Variants in SEMA4G observed in about 807,000 individuals in gnomAD.
SEMA4G encodes semaphorin 4G.
Under a neutral mutation model 81.2 loss-of-function variants are expected in SEMA4G, and 59 were observed. That is an observed-to-expected ratio of 0.73 (90% CI 0.59 to 0.90). SEMA4G has a LOEUF of 0.90. SEMA4G is among the 40% of genes least tolerant of loss of function. The pLI, the probability that SEMA4G is intolerant of heterozygous loss-of-function variation, is 0.00. For synonymous variants in SEMA4G, 404 were observed against 433.9 expected, an observed-to-expected ratio of 0.93 and a Z score of 0.86; for missense variants, 952 against 1,102.3, an observed-to-expected ratio of 0.86 and a Z score of 1.93.
intron 13 of SEMA4G, chr10:100,981,497 C>G: frequency 1.9e-6 from 3 of 1,614,140 alleles, no homozygotes; most frequent in Non-Finnish European, 2.5e-6. Flanking sequence ...GGGTTCAGGA[C>G]GGTAATGGGT....
exon 8 of SEMA4G, chr10:100,979,237 C>G: frequency 6.2e-7 from 1 of 1,614,244 alleles, no homozygotes. Context: ...AAGCCGTACA[C>G]ACTTCTATGC....
chr10:100,978,889 G>A, exon 7 of SEMA4G: 1 of 1,614,230 alleles, frequency 6.2e-7, no homozygotes, highest in Non-Finnish European at 8.5e-7. Context: ...GGGAGAGCAA[G>A]GCCAGTGCAG....
At chr10:100,983,010 G>A (rs893824947) in intron 13 of SEMA4G, among the ~76,000 whole-genome samples, 2 of 152,240 alleles carry the variant, frequency 1.3e-5, no homozygotes, top group Non-Finnish European at 2.9e-5. Context: ...CTGGCACTCA[G>A]GAGAGAAGTC....
At chr10:100,980,622 C>T (rs1851022799) in exon 11 of SEMA4G, 1 of 1,614,192 alleles carries the variant, frequency 6.2e-7, no homozygotes, top group East Asian at 2.2e-5. Flanking sequence ...CTCTGGGATG[C>T]ACATTATTGA....
At chr10:100,984,328 G>A (rs1851311226) in exon 14 of SEMA4G, 2 of 1,439,662 alleles carry the variant, frequency 1.4e-6, no homozygotes, top group Admixed American at 5.7e-5. Flanking sequence ...CCACATGTGA[G>A]CAGCCCAGGC....
Position 100,984,757 on chromosome 10 carries a change from G to A in SEMA4G, c.*626G>A, listed in dbSNP as rs1483432059. The A allele has an allele frequency of 3.9e-6, 6 of 1,535,986 alleles. No homozygotes were observed. In the Admixed American group the frequency reaches 5.9e-5, roughly 15 times the overall value. On this transcript the variant is annotated 3_prime_UTR_variant, in exon 14 of 14. Coordinates refer to ENST00000370250, the Ensembl canonical transcript of SEMA4G. The stretch of plus-strand genomic sequence containing the variant: ...ATCTGGTCCTCTTCCCCAGCCCCAT[G>A]TGGTGACCTCTTTGTCAAGAGCTTG...
At chr10:100,979,907 T>C (rs1240413142) in exon 9 of SEMA4G, 3 of 1,614,080 alleles carry the variant, frequency 1.9e-6, no homozygotes, top group African/African-American at 1.3e-5. Flanking sequence ...CAGGCTGTCT[T>C]TGCAGGACCC....
rs1230221202 is a variant in SEMA4G at position 100,980,743 on chromosome 10, G to A, written c.1467+50G>A. The A allele has an allele frequency of 3.7e-6, 6 of 1,606,310 alleles. No homozygotes were observed. The South Asian group carries it at 4.4e-5, about 12-fold the overall frequency. On this transcript the variant is annotated intron_variant, in intron 11 of 13. Transcript: ENST00000370250. ...TATAGCCTTGCTGAAATAGGAAGAG[G>A]GAGTGGGGAGGTTGGGCAGAGGCTG...
Position 100,973,362 on chromosome 10 carries a change from G to C in SEMA4G, c.273+85G>C. 1 of 1,527,906 alleles carries C rather than the reference G, an allele frequency of 6.5e-7. No homozygotes were observed. Among genetic ancestry groups the C allele is most frequent in the Non-Finnish European group, 8.9e-7 (1 of 1,123,232 alleles). The allele number at this position is 1,527,906 out of a possible 1,614,324, so 94.6% of individuals were successfully genotyped here. A position where few individuals can be genotyped will look rare whatever the true frequency, so the allele number is the denominator to read the frequency against. ...CCTCAACTTCCTTAAAACCCTGCCA[G>C]CCTTCCATAGCCCCCTGGTCAGACA... On this transcript the variant is annotated intron_variant, in intron 2 of 13. Transcript: ENST00000370250. This position sits in a 1 kb window ranked among gnomAD's most constrained non-coding sequence, Gnocchi z 5.5.
At chr10:100,983,638 T>C (rs759100020) in exon 14 of SEMA4G, 2 of 1,613,806 alleles carry the variant, frequency 1.2e-6, no homozygotes, top group Admixed American at 3.3e-5. Flanking sequence ...GATGTGAGAC[T>C]GCTCTATGTG....
chr10:100,975,929 A>G (rs561471705), intron 3 of SEMA4G, among the ~76,000 whole-genome samples: 41 of 152,204 alleles, frequency 2.7e-4, no homozygotes, highest in Non-Finnish European at 4.6e-4. Flanking sequence ...ATAAATAAAC[A>G]TCTTGGGGAA....
chr10:100,978,085 C>T, intron 4 of SEMA4G: 1 of 584,756 alleles, frequency 1.7e-6, no homozygotes, highest in Admixed American at 3.0e-5. Flanking sequence ...TCTAGGTTGG[C>T]CACTTGCAGA....
chr10:100,972,848 C>T (rs1016975985), exon 1 of SEMA4G: 59 of 1,542,004 alleles, frequency 3.8e-5, no homozygotes, highest in Admixed American at 3.3e-4. Flanking sequence ...TCCCATTCCC[C>T]GCCCCCACAA....
chr10:100,980,493 C>G, intron 10 of SEMA4G, 85 bp from the exon 12 acceptor site: 5 of 1,389,684 alleles, frequency 3.6e-6, no homozygotes, highest in Non-Finnish European at 5.1e-6. Flanking sequence ...CTCAGGACTC[C>G]TGAGCTGTTC....
chr10:100,983,447 T>C (rs1851227514), exon 14 of SEMA4G: 1 of 1,613,988 alleles, frequency 6.2e-7, no homozygotes, highest in Non-Finnish European at 8.5e-7. Flanking sequence ...GTGGCTACCG[T>C]GTGGGCGTGG....
chr10:100,984,037 C>A, exon 14 of SEMA4G: 1 of 1,613,686 alleles, frequency 6.2e-7, no homozygotes, highest in Non-Finnish European at 8.5e-7. Context: ...GGAGTACCAG[C>A]AGGGCCCTGC....
At position 100,983,341 on chromosome 10, in the gene SEMA4G, G is replaced by A. The variant is rs753257306; in HGVS notation, c.1727G>A (p.Arg576Gln). 2.8e-5 allele frequency: 45 copies of A among 1,589,952 alleles called. No homozygotes were observed. The African/African-American group carries it at 3.1e-4, about 11-fold the overall frequency. ...CCACTGAAGACCCGCTCTGTGCTCC[G>A]GGGTGATGATGTCCTCCTGCCCTGT... Residue 576 changes from arginine to glutamine, a missense_variant, in exon 14 of 14, where the codon CGG (arginine) becomes CAG (glutamine). Arg to Gln is a conservative substitution (Grantham distance 43). Around this residue, in one of 3 missense-constraint regions of SEMA4G, gnomAD observed 385 missense variants for 413.5 expected, o/e 0.93. Transcript: ENST00000370250.
chr10:100,978,590 G>A (rs780089392), exon 6 of SEMA4G: 19 of 1,613,946 alleles, frequency 1.2e-5, no homozygotes, highest in African/African-American at 2.7e-5. Context: ...CGCCGGAGCC[G>A]CCACCCACAC....
At position 100,977,748 on chromosome 10, in the gene SEMA4G, G is replaced by T. The variant is rs546199859; in HGVS notation, c.435+18G>T. Reference sequence around the variant, plus strand: ...CAGCCATTGTGAGTATACCTGTGTTGTGCCAGATCTCTGTTGACTTCATTA... The same window carrying T: ...CAGCCATTGTGAGTATACCTGTGTTTTGCCAGATCTCTGTTGACTTCATTA... On this transcript the variant is annotated intron_variant, in intron 4 of 13. Transcript: ENST00000370250. 524 of 1,587,760 alleles carry T rather than the reference G, an allele frequency of 3.3e-4. 10 individuals are homozygous for T. The South Asian group carries it at 5.5e-3, about 17-fold the overall frequency.
Sources: gnomAD v4.1 joint callset for allele counts (sites outside exome capture counted in the v4.1 genomes callset) on GRCh38, gnomAD v4.1.1 for gene constraint, gnomAD v4.1.1 regional missense constraint, Gnocchi (gnomAD v3.1) non-coding constraint, MANE v1.5 for transcripts, NCBI Gene and HGNC (gene_info 2026-07-23, HGNC 2026-07-21) for gene names.